Variants in ANK2 observed in about 807,000 individuals in gnomAD.
ANK2 encodes ankyrin 2, also known as ankyrin-2.
Under a neutral mutation model 360.5 loss-of-function variants are expected in ANK2, and 83 were observed. The observed-to-expected ratio is 0.23, with a 90% CI of 0.19 to 0.28. The LOEUF (loss-of-function observed/expected upper bound fraction) is 0.28. ANK2 is among the 10% of genes least tolerant of loss of function. ANK2 has a pLI of 1.00. For synonymous variants in ANK2, 1,740 were observed against 1,759.5 expected (o/e 0.99, Z 0.28); for missense variants, 4,201 against 4,795.7 (o/e 0.88, Z 3.66).
the ANK2 span, among the ~76,000 whole-genome samples, chr4:112,785,729 C>T: frequency 3.3e-5 from 5 of 151,572 alleles, no homozygotes; most frequent in South Asian, 8.3e-4. Flanking sequence ...GTGTAGTGGG[C>T]GCGATCATAG....
At chr4:112,983,050 A>T (rs1048024708) in intron 2 of ANK2, among the ~76,000 whole-genome samples, 1 of 152,178 alleles carries the variant, frequency 6.6e-6, no homozygotes, top group African/African-American at 2.4e-5. Flanking sequence ...TAATAATATA[A>T]TAGTAACTAT....
At position 113,358,708 on chromosome 4, in the gene ANK2, C is replaced by G. The variant is rs2095988154; in HGVS notation, c.10090C>G (p.Leu3364Val). 3.7e-6 allele frequency: 6 copies of G among 1,614,082 alleles called. No homozygotes were observed. In the East Asian group the frequency reaches 1.3e-4, roughly 36 times the overall value. The change falls in exon 38 of 46, where the codon CTA becomes GTA. Residue 3364 changes from leucine to valine, a missense_variant. Physicochemically the swap from Leu to Val is conservative, Grantham distance 32. Coordinates refer to ENST00000357077, the MANE Select transcript of ANK2 (RefSeq NM_001148.6). ...LQRVEQQLSD[L>V]DTSVQKTVAP... ...AAGAGTTGAACAGCAGCTCTCAGAT[C>G]TAGACACCTCTGTCCAGAAGACAGT... is the stretch of plus-strand genomic sequence containing the variant.
intron 1 of ANK2, among the ~76,000 whole-genome samples, chr4:113,073,416 G>A (rs950304639): frequency 6.6e-6 from 1 of 152,148 alleles, no homozygotes; most frequent in Non-Finnish European, 1.5e-5. Context: ...CACTAGAATA[G>A]AGAATAGATG....
intron 1 of ANK2, among the ~76,000 whole-genome samples, chr4:113,088,709 A>G (rs76634305): frequency 0.11 from 17,498 of 152,196 alleles, 1,217 homozygotes; most frequent in African/African-American, 0.19. Context: ...TTATCTGTAG[A>G]TGGGCCTTTA....
At chr4:112,786,671 T>C in the ANK2 span, among the ~76,000 whole-genome samples, 1 of 151,790 alleles carries the variant, frequency 6.6e-6, no homozygotes, top group Non-Finnish European at 1.5e-5. Context: ...ATTATAGGTG[T>C]GAGCCACCAT....
At position 113,358,206 on chromosome 4, in the gene ANK2, G is replaced by A. The variant is rs1372155824; in HGVS notation, c.9588G>A (p.Ser3196=). Residue 3196 remains serine (S), a synonymous_variant, in exon 38 of 46, where the codon TCG becomes TCA. Coordinates refer to ENST00000357077, the MANE Select transcript of ANK2 (RefSeq NM_001148.6). The part of the protein sequence containing the change: ...VSEEVEEIPA[S]DAQLNSQMGI... ...AGGAAGTAGAGGAAATACCTGCTTC[G>A]GATGCTCAACTTAACTCCCAAATGG... 18 of 1,613,898 alleles carry A rather than the reference G, an allele frequency of 1.1e-5. No individual in the cohort carries two copies. The highest frequency in any genetic ancestry group is 8.8e-5 in the South Asian group (8 of 91,074).
chr4:113,036,471 C>A (rs986821699), intron 2 of ANK2, among the ~76,000 whole-genome samples: 3 of 151,784 alleles, frequency 2.0e-5, no homozygotes, highest in Admixed American at 1.3e-4. Context: ...TGACCTTCAG[C>A]CATTGCTTCT....
At chr4:113,247,066 A>C (rs1054919527) in intron 9 of ANK2, among the ~76,000 whole-genome samples, 3 of 152,010 alleles carry the variant, frequency 2.0e-5, no homozygotes, top group Admixed American at 6.5e-5. Context: ...AAGAAACTAC[A>C]TAAGTGGCAT....
intron 2 of ANK2, among the ~76,000 whole-genome samples, chr4:113,019,383 G>A (rs6822320): frequency 0.8 from 121,579 of 152,144 alleles, 48,535 homozygotes; most frequent in South Asian, 0.87. Context: ...AGATAGTTTC[G>A]GTTAAATGTT....
intron 3 of ANK2, 41 bp from the exon 4 acceptor site, chr4:113,198,970 C>T (rs1205863423): frequency 1.3e-6 from 2 of 1,539,774 alleles, no homozygotes; most frequent in Non-Finnish European, 1.8e-6. Context: ...CTGCAAAATT[C>T]AGAAACCTTG....
chr4:113,184,952 A>T (rs1179067998), intron 2 of ANK2, among the ~76,000 whole-genome samples: 1 of 151,850 alleles, frequency 6.6e-6, no homozygotes, highest in Non-Finnish European at 1.5e-5. Flanking sequence ...AGTGAGATGC[A>T]GTGTTTGGTT....
chr4:112,744,400 G>T, the ANK2 span, among the ~76,000 whole-genome samples: 1 of 148,812 alleles, frequency 6.7e-6, no homozygotes, highest in South Asian at 2.1e-4. Context: ...AGGTTGGAGT[G>T]CAGTGGCACG....
chr4:112,950,363 G>T (rs974397141), intron 2 of ANK2, among the ~76,000 whole-genome samples: 4 of 152,202 alleles, frequency 2.6e-5, no homozygotes, highest in Admixed American at 2.0e-4. Context: ...TAAAAAGTAA[G>T]GCTGGGTGCG....
chr4:112,869,793 A>T (rs977955222), intron 1 of ANK2, among the ~76,000 whole-genome samples: 1 of 151,920 alleles, frequency 6.6e-6, no homozygotes, highest in African/African-American at 2.4e-5. Flanking sequence ...AGTGATTCTC[A>T]TGCCTCAGCC....
intron 26 of ANK2, among the ~76,000 whole-genome samples, chr4:113,321,444 A>G (rs1172400636): frequency 6.6e-6 from 1 of 152,214 alleles, no homozygotes; most frequent in African/African-American, 2.4e-5. Flanking sequence ...ATTCTCTATT[A>G]GCGTCTCCAG....
At chr4:113,313,718 A>C (rs2081265062) in intron 24 of ANK2, 1 of 151,300 alleles carries the variant, frequency 6.6e-6, no homozygotes, top group African/African-American at 2.5e-5. Context: ...AGAGCATGGA[A>C]ACAAGCCCTT....
At chr4:112,873,198 C>T (rs2073860570) in intron 1 of ANK2, among the ~76,000 whole-genome samples, 1 of 151,616 alleles carries the variant, frequency 6.6e-6, no homozygotes, top group African/African-American at 2.4e-5. Context: ...TAAGAAAATT[C>T]TCTATTTAGT....
intron 2 of ANK2, among the ~76,000 whole-genome samples, chr4:112,961,074 T>G (rs1345244451): frequency 6.6e-6 from 1 of 151,488 alleles, no homozygotes; most frequent in Non-Finnish European, 1.5e-5. Flanking sequence ...TTTTTTTTTT[T>G]GAAACTGGTG....
At chr4:113,036,290 A>G (rs1348346038) in intron 2 of ANK2, among the ~76,000 whole-genome samples, 2 of 151,810 alleles carry the variant, frequency 1.3e-5, no homozygotes, top group Non-Finnish European at 2.9e-5. Context: ...AGGAGTTTAG[A>G]TGCCACATCC....
Sources: gnomAD v4.1 joint callset for allele counts (sites outside exome capture counted in the v4.1 genomes callset) on GRCh38, gnomAD v4.1.1 for gene constraint, MANE v1.5 for transcripts, NCBI Gene and HGNC (gene_info 2026-07-23, HGNC 2026-07-21) for gene names.